FER1L6: variants seen among roughly 807,000 people sequenced by gnomAD.
FER1L6 encodes the protein fer-1 like family member 6, also known as fer-1-like protein 6.
Under a neutral mutation model 219.2 loss-of-function variants are expected in FER1L6, and 177 were observed. That is an observed-to-expected ratio of 0.81 (90% confidence interval 0.71 to 0.91). FER1L6 has a LOEUF of 0.91. FER1L6 is among the 40% of genes least tolerant of loss of function. FER1L6 has a pLI of 0.00. For synonymous variants in FER1L6, 768 were observed against 824.3 expected (o/e 0.93, Z 1.17); for missense variants, 2,153 against 2,259.9 (o/e 0.95, Z 0.96).
intron 1 of FER1L6, among the ~76,000 whole-genome samples, chr8:123,909,653 G>A (rs1195796780): frequency 6.6e-6 from 1 of 152,138 alleles, no homozygotes; most frequent in Non-Finnish European, 1.5e-5. Context: ...AGGAAAACAG[G>A]TCTAAAACCC....
At chr8:124,036,737 AC>A (rs1819233155) in intron 19 of FER1L6, among the ~76,000 whole-genome samples, 1 of 152,174 alleles carries the variant, frequency 6.6e-6, no homozygotes, top group South Asian at 2.1e-4. Flanking sequence ...TATCCCAGCT[AC>A]TAACAATTCA....
chr8:123,973,549 G>A (rs1026379633), intron 7 of FER1L6, 37 bp downstream of exon 7: 5 of 1,520,430 alleles, frequency 3.3e-6, no homozygotes, highest in African/African-American at 1.4e-5. Context: ...TATCTCACTT[G>A]TCTTTGGTTT....
chr8:124,118,999 T>C, intron 40 of FER1L6, 55 bp downstream of exon 40: 2 of 1,414,026 alleles, frequency 1.4e-6, no homozygotes, highest in Non-Finnish European at 2.0e-6. Context: ...TTTGCAGTCC[T>C]TGCTGGTGTC....
At position 123,852,758 on chromosome 8, in the gene FER1L6, T is replaced by A. The variant is rs1816537193; in HGVS notation, c.-8+573T>A. ...ATCTTATATTACCATGGTACATTTA[T>A]GAAAATGAAGAAACTGAAAATGCAG... On this transcript the variant is annotated intron_variant, in intron 1 of 40. Transcript: ENST00000522917. This position sits in a 1 kb window ranked among gnomAD's most constrained non-coding sequence, Gnocchi z 4.9. Among the ~76,000 whole-genome samples, 1 of 152,194 alleles carries A rather than the reference T, an allele frequency of 6.6e-6. No individual in the cohort carries two copies. The highest frequency in any genetic ancestry group is 6.5e-5 in the Admixed American group (1 of 15,276).
In FER1L6 at chr8:124,079,692, G is replaced by A. The variant is rs148118682; in HGVS notation, c.4221-2596G>A. Among the ~76,000 whole-genome samples the A allele has an allele frequency of 5.1e-3, 774 of 152,204 alleles. 6 individuals carry two copies. The highest frequency in any genetic ancestry group is 0.016 in the African/African-American group (685 of 41,520). The stretch of plus-strand genomic sequence containing the variant: ...ACCTACACCCTTATGGAGGAGGCAG[G>A]GAATACAAAAAAAGAAAAATCAGGC... On this transcript the variant is annotated intron_variant, in intron 32 of 40. Coordinates refer to ENST00000522917, the MANE Select transcript of FER1L6 (RefSeq NM_001039112.2).
intron 1 of FER1L6, among the ~76,000 whole-genome samples, chr8:123,947,845 G>A (rs1002350022): frequency 6.6e-6 from 1 of 152,192 alleles, no homozygotes; most frequent in Non-Finnish European, 1.5e-5. Context: ...CACATCAAAG[G>A]AGGCAGTTGA....
intron 39 of FER1L6, among the ~76,000 whole-genome samples, chr8:124,105,869 C>A (rs1203537627): frequency 6.6e-6 from 1 of 152,106 alleles, no homozygotes; most frequent in African/African-American, 2.4e-5. Flanking sequence ...ATGAACCTTG[C>A]AAATGTTATG....
chr8:123,910,638 A>G (rs1394199732), intron 1 of FER1L6, among the ~76,000 whole-genome samples: 1 of 151,740 alleles, frequency 6.6e-6, no homozygotes, highest in Non-Finnish European at 1.5e-5. Context: ...CCTGAAATAA[A>G]CCTTCCTGAT....
At chr8:123,958,979 G>A (rs1200662158) in intron 2 of FER1L6, among the ~76,000 whole-genome samples, 2 of 151,998 alleles carry the variant, frequency 1.3e-5, no homozygotes, top group Non-Finnish European at 2.9e-5. Context: ...GGCAGTAAGC[G>A]TGGGCAGAAC....
chr8:124,019,814 A>T (rs777566586), intron 16 of FER1L6, among the ~76,000 whole-genome samples: 4 of 152,244 alleles, frequency 2.6e-5, no homozygotes, highest in Non-Finnish European at 4.4e-5. Context: ...ACAGATTGTG[A>T]TTCAAAAGGA....
intron 34 of FER1L6, among the ~76,000 whole-genome samples, chr8:124,094,132 G>A (rs964455586): frequency 4.6e-5 from 7 of 152,246 alleles, no homozygotes; most frequent in South Asian, 2.1e-4. Flanking sequence ...TAAAGCAACC[G>A]TGAGAAGACA....
chr8:123,970,149 G>T (rs1815735308), intron 6 of FER1L6, 52 bp downstream of exon 6: 1 of 1,525,824 alleles, frequency 6.6e-7, no homozygotes, highest in Non-Finnish European at 9.1e-7. Context: ...GACATTTTGG[G>T]CATTGGGGAC....
intron 1 of FER1L6, among the ~76,000 whole-genome samples, chr8:123,922,305 A>G (rs1333057335): frequency 6.6e-6 from 1 of 152,196 alleles, no homozygotes; most frequent in Non-Finnish European, 1.5e-5. Context: ...ATTCTGCGTG[A>G]CAGAAGGTAA....
chr8:124,013,379 A>G (rs1818031238), intron 14 of FER1L6, 52 bp from the exon 15 acceptor site: 1 of 1,103,178 alleles, frequency 9.1e-7, no homozygotes, highest in South Asian at 1.6e-5. Context: ...TATCTCTACT[A>G]CCAATCTCAT....
chr8:124,047,082 C>T (rs570002850), intron 21 of FER1L6, among the ~76,000 whole-genome samples: 38 of 152,214 alleles, frequency 2.5e-4, no homozygotes, highest in African/African-American at 8.7e-4. Flanking sequence ...TTCTTAACAA[C>T]ATGCTTTCAA....
intron 13 of FER1L6, among the ~76,000 whole-genome samples, chr8:124,010,035 C>T (rs72497346): frequency 4.6e-5 from 7 of 151,714 alleles, no homozygotes; most frequent in African/African-American, 9.7e-5. Context: ...GTTTGAGGGT[C>T]GTGGAACTGC....
At chr8:124,053,847 A>G (rs984792197) in intron 22 of FER1L6, among the ~76,000 whole-genome samples, 1 of 152,138 alleles carries the variant, frequency 6.6e-6, no homozygotes, top group Non-Finnish European at 1.5e-5. Context: ...CAGGAGAGCA[A>G]GAGACCCTGT....
Position 124,119,625 on chromosome 8 carries a change from T to C in FER1L6, c.5409T>C (p.Phe1803=). The C allele has an allele frequency of 6.2e-7, 1 of 1,613,040 alleles. No homozygotes were observed. Among genetic ancestry groups the C allele is most frequent in the Non-Finnish European group, 8.5e-7 (1 of 1,179,206 alleles). Residue 1803 remains phenylalanine, a synonymous_variant, in exon 41 of 41, where the codon TTT becomes TTC. Coordinates refer to ENST00000522917, the MANE Select transcript of FER1L6 (RefSeq NM_001039112.2). ...CCCTCAGCCGCCCAGACACCTCCTT[T>C]TCGTGGTTCATGAGCCCCTTTAAGT... The part of the protein sequence containing the change: ...LAKPNRPDTS[F]SWFMSPFKCL...
intron 36 of FER1L6, among the ~76,000 whole-genome samples, chr8:124,097,567 G>A (rs1563798928): frequency 6.6e-6 from 1 of 152,126 alleles, no homozygotes; most frequent in Non-Finnish European, 1.5e-5. Context: ...CTGGTTAAGA[G>A]AAGGAAGACC....
Sources: allele counts gnomAD v4.1 joint callset (sites outside exome capture counted in the v4.1 genomes callset), GRCh38; gene constraint gnomAD v4.1.1; non-coding constraint Gnocchi (gnomAD v3.1); transcripts MANE v1.5; gene names NCBI Gene and HGNC (gene_info 2026-07-23, HGNC 2026-07-21).